Variants in AHRR observed in about 807,000 individuals in gnomAD.
AHRR encodes ahR repressor.
AHRR carries 28 observed loss-of-function variants against 44.0 expected under a neutral mutation model. The ratio of observed to expected loss-of-function variants is 0.64; its 90% CI spans 0.47 to 0.87. The LOEUF (loss-of-function observed/expected upper bound fraction) is 0.87, where lower values mean the gene tolerates loss of function less well. Ranked by LOEUF, AHRR falls within the 40% of genes least tolerant of loss-of-function variation. The probability of loss-of-function intolerance (pLI) is 0.00; values close to 1 mark genes in which losing one functional copy is unlikely to be tolerated. For synonymous variants in AHRR, 434 were observed against 407.0 expected (o/e 1.07, Z -0.80); for missense variants, 990 against 953.9 (o/e 1.04, Z -0.50).
intron 4 of AHRR, among the ~76,000 whole-genome samples, chr5:379,479 G>A (rs1243591229): frequency 1.3e-5 from 2 of 152,212 alleles, no homozygotes; most frequent in African/African-American, 2.4e-5. Flanking sequence ...CAGTGAATGA[G>A]TGTTTCAGTT....
rs570396734 is a variant in AHRR at position 342,680 on chromosome 5, A to C, written c.-10-1213A>C. ...GTGAGGGCTCCTTAACTTCCTCCCC[A>C]AGGCTTCTGGCCCAGAGCCTGGCAC... is the stretch of plus-strand genomic sequence containing the variant. On this transcript the variant is annotated intron_variant, in intron 1 of 10. Coordinates refer to ENST00000684583, the MANE Select transcript of AHRR (RefSeq NM_001377236.1). The surrounding 1 kb of genome is among the most constrained non-coding windows in gnomAD (Gnocchi z 4.3). Among the ~76,000 whole-genome samples the C allele has an allele frequency of 6.6e-6, 1 of 152,174 alleles. No homozygotes were observed. Among genetic ancestry groups the C allele is most frequent in the South Asian group, 2.1e-4 (1 of 4,826 alleles).
intron 1 of AHRR, among the ~76,000 whole-genome samples, chr5:327,506 G>A (rs1320760534): frequency 6.6e-6 from 1 of 152,094 alleles, no homozygotes; most frequent in Non-Finnish European, 1.5e-5. Flanking sequence ...GGCTTGTTTC[G>A]CTTAATGACC....
intron 7 of AHRR, among the ~76,000 whole-genome samples, chr5:425,392 A>G (rs1280568130): frequency 1.3e-5 from 2 of 152,186 alleles, no homozygotes; most frequent in African/African-American, 4.8e-5. Context: ...ATCTCGGCTC[A>G]CTGCAAGCTC....
At chr5:324,911 A>G (rs1206591606) in intron 1 of AHRR, among the ~76,000 whole-genome samples, 1 of 152,220 alleles carries the variant, frequency 6.6e-6, no homozygotes, top group Non-Finnish European at 1.5e-5. Flanking sequence ...CACACCGCCC[A>G]CAGGGAATAT....
chr5:373,835 G>A (rs1004524881), intron 3 of AHRR, among the ~76,000 whole-genome samples: 3 of 150,798 alleles, frequency 2.0e-5, no homozygotes, highest in Admixed American at 6.6e-5. Context: ...GGCTCCTGGC[G>A]CCCTGCCCGG....
At chr5:352,452 G>A (rs376891783) in intron 2 of AHRR, among the ~76,000 whole-genome samples, 1 of 143,000 alleles carries the variant, frequency 7.0e-6, no homozygotes, top group East Asian at 2.1e-4. Context: ...GAGGTTAAAT[G>A]GGTCAGCTGT....
intron 2 of AHRR, among the ~76,000 whole-genome samples, chr5:349,435 C>T (rs7729511): frequency 0.51 from 77,131 of 151,776 alleles, 19,877 homozygotes; most frequent in Non-Finnish European, 0.54. Flanking sequence ...AAAAAATTAG[C>T]CGGGCACGGT....
chr5:341,004 T>G (rs970627556), intron 1 of AHRR, among the ~76,000 whole-genome samples: 1 of 147,146 alleles, frequency 6.8e-6, no homozygotes, highest in Non-Finnish European at 1.5e-5. Context: ...AGCTCTATAA[T>G]TTTTCTTTTT....
chr5:424,591 T>A (rs1193309851), intron 7 of AHRR, among the ~76,000 whole-genome samples: 1 of 151,804 alleles, frequency 6.6e-6, no homozygotes, highest in East Asian at 1.9e-4. Flanking sequence ...TCGATGAGAA[T>A]GTAAAACTCT....
At chr5:354,976 C>T (rs1281382930) in intron 3 of AHRR, among the ~76,000 whole-genome samples, 4 of 152,240 alleles carry the variant, frequency 2.6e-5, no homozygotes, top group South Asian at 2.1e-4. Flanking sequence ...GGGTCTTCCC[C>T]GGGTCCCGGC....
At chr5:345,129 T>TGC (rs1742581457) in intron 2 of AHRR, among the ~76,000 whole-genome samples, 1 of 35,000 alleles carries the variant, frequency 2.9e-5, no homozygotes. Context: ...TGTGGGGATG[T>TGC]GTGTGTGTGT....
intron 4 of AHRR, among the ~76,000 whole-genome samples, chr5:400,489 G>C (rs1025164341): frequency 9.2e-5 from 14 of 151,528 alleles, no homozygotes; most frequent in African/African-American, 3.2e-4. Flanking sequence ...AAAAAAAGTA[G>C]AGCCTTAACC....
chr5:323,785 A>G (rs1741592326), intron 1 of AHRR, among the ~76,000 whole-genome samples: 2 of 152,164 alleles, frequency 1.3e-5, no homozygotes, highest in African/African-American at 2.4e-5. Flanking sequence ...TTAATACGAC[A>G]CAGAAGCGGG....
At chr5:343,809 C>A in intron 1 of AHRR, 84 bp from the exon 2 acceptor site, 1 of 1,437,758 alleles carries the variant, frequency 7.0e-7, no homozygotes, top group Non-Finnish European at 9.4e-7. Flanking sequence ...GGCGCCAGGA[C>A]CGCGCTGAGG....
At chr5:335,259 G>C (rs1363785055) in intron 1 of AHRR, among the ~76,000 whole-genome samples, 2 of 152,190 alleles carry the variant, frequency 1.3e-5, no homozygotes, top group East Asian at 3.8e-4. Context: ...AGCCAGAGTG[G>C]TGTGGGCAAT....
At chr5:353,690 T>A in intron 2 of AHRR, 40 bp from the exon 3 acceptor site, 1 of 1,567,830 alleles carries the variant, frequency 6.4e-7, no homozygotes, top group Non-Finnish European at 8.6e-7. Context: ...CTGTGGCTTC[T>A]GGTGGAGAAG....
chr5:322,847 C>T (rs746024941), intron 1 of AHRR, among the ~76,000 whole-genome samples: 5 of 152,136 alleles, frequency 3.3e-5, no homozygotes, highest in Non-Finnish European at 7.4e-5. Flanking sequence ...CCTGGGGAGC[C>T]GCTTCGACGG....
rs192194490 is a variant in AHRR at position 329,128 on chromosome 5, C to T, written c.-11+7309C>T. On this transcript the variant is annotated intron_variant, in intron 1 of 10. Transcript: ENST00000684583. ...TGGTAGTTTTTCCTGCGCTGACACACACACCTCTGTCTTTTTTGGTCCTTA... is the reference window on the plus strand; with the variant it reads ...TGGTAGTTTTTCCTGCGCTGACACATACACCTCTGTCTTTTTTGGTCCTTA... 1.8e-3 allele frequency among the ~76,000 whole-genome samples: 279 copies of T among 152,320 alleles called. 4 individuals carry two copies. Among genetic ancestry groups the T allele is most frequent in the African/African-American group, 6.3e-3 (261 of 41,576 alleles).
intron 2 of AHRR, among the ~76,000 whole-genome samples, chr5:349,615 A>C (rs1441266578): frequency 6.6e-6 from 1 of 152,134 alleles, no homozygotes; most frequent in Non-Finnish European, 1.5e-5. Context: ...ATTTTAAAAA[A>C]AGAAAACCTT....
Sources: gnomAD v4.1 joint callset for allele counts (sites outside exome capture counted in the v4.1 genomes callset) on GRCh38, gnomAD v4.1.1 for gene constraint, Gnocchi (gnomAD v3.1) non-coding constraint, MANE v1.5 for transcripts, NCBI Gene and HGNC (gene_info 2026-07-23, HGNC 2026-07-21) for gene names.